DYNC2H1: variants seen among roughly 807,000 people sequenced by gnomAD.
DYNC2H1 encodes the protein dynein cytoplasmic 2 heavy chain 1.
DYNC2H1 carries 410 observed loss-of-function variants against 570.0 expected under a neutral mutation model. That is an observed-to-expected ratio of 0.72 (90% CI 0.66 to 0.78). The LOEUF (loss-of-function observed/expected upper bound fraction) is 0.78. Among genes scored for constraint, DYNC2H1 ranks in the 30% least tolerant of loss-of-function variants. The pLI is 0.00. For missense variants in DYNC2H1, 4,865 were observed against 5,046.4 expected, an observed-to-expected ratio of 0.96 and a Z score of 1.09; for synonymous variants, 1,688 against 1,677.6, an observed-to-expected ratio of 1.01 and a Z score of -0.15.
At chr11:103,407,229 C>A (rs1391534123) in intron 84 of DYNC2H1, 1 of 151,562 alleles carries the variant, frequency 6.6e-6, no homozygotes, top group East Asian at 1.9e-4. Context: ...ATAAGTTGGG[C>A]TGGTGGATTA....
intron 84 of DYNC2H1, among the ~76,000 whole-genome samples, chr11:103,414,496 G>A (rs554528087): frequency 2.6e-5 from 4 of 152,132 alleles, no homozygotes; most frequent in Non-Finnish European, 5.9e-5. Context: ...GCACGTGCCT[G>A]TAATCCCAGC....
intron 75 of DYNC2H1, among the ~76,000 whole-genome samples, chr11:103,290,754 A>G (rs1005264124): frequency 1.3e-4 from 20 of 151,554 alleles, no homozygotes; most frequent in African/African-American, 3.4e-4. Flanking sequence ...TTGCTTTTAG[A>G]CTCTCATTTT....
At position 103,189,642 on chromosome 11, in the gene DYNC2H1, A is replaced by C. The variant is rs762124447; in HGVS notation, c.7293-30A>C. The stretch of plus-strand genomic sequence containing the variant: ...TTAATTTGGAATACTGATTTATTTC[A>C]GCTTTCTTCTTATATGCCATTTTTT... On this transcript the variant is annotated intron_variant, in intron 44 of 88. Coordinates refer to ENST00000375735, the MANE Select transcript of DYNC2H1 (RefSeq NM_001377.3). The surrounding 1 kb of genome is among the most constrained non-coding windows in gnomAD (Gnocchi z 4.3). 1 of 1,603,130 alleles carries C rather than the reference A, an allele frequency of 6.2e-7. No individual in the cohort carries two copies. The highest frequency in any genetic ancestry group is 8.5e-7 in the Non-Finnish European group (1 of 1,173,952).
At chr11:103,198,159 T>C in intron 48 of DYNC2H1, 96 bp downstream of exon 48, 2 of 1,351,474 alleles carry the variant, frequency 1.5e-6, no homozygotes, top group Non-Finnish European at 2.0e-6. Context: ...ATATGATAGA[T>C]TGTAGAATAG....
Position 103,133,710 on chromosome 11 carries a change from A to G in DYNC2H1, c.2106+3A>G, listed in dbSNP as rs771774139. ...GGCACACTACATTTTGTGAAAAGGTATATTTTGTTTATAAAATTGAATAAG... is the reference window on the plus strand; with the variant it reads ...GGCACACTACATTTTGTGAAAAGGTGTATTTTGTTTATAAAATTGAATAAG... On this transcript the variant is annotated splice_donor_region_variant and intron_variant, in intron 14 of 88. Coordinates refer to ENST00000375735, the MANE Select transcript of DYNC2H1 (RefSeq NM_001377.3). The surrounding 1 kb of genome is among the most constrained non-coding windows in gnomAD (Gnocchi z 4.8). 1.3e-6 allele frequency: 2 copies of G among 1,584,202 alleles called. No homozygotes were observed. The highest frequency in any genetic ancestry group is 2.3e-5 in the South Asian group (2 of 85,750).
intron 10 of DYNC2H1, 82 bp from the exon 11 acceptor site, chr11:103,122,743 G>C (rs951000212): frequency 6.8e-6 from 8 of 1,175,208 alleles, no homozygotes; most frequent in Non-Finnish European, 8.4e-6. Context: ...CTGAATCACA[G>C]ATCAGAGAAG....
At chr11:103,350,199 G>A (rs1468567474) in intron 82 of DYNC2H1, among the ~76,000 whole-genome samples, 1 of 151,758 alleles carries the variant, frequency 6.6e-6, no homozygotes. Context: ...TATTTTTGAG[G>A]CCCCCAAATC....
chr11:103,308,402 C>G (rs1008923604), intron 78 of DYNC2H1, among the ~76,000 whole-genome samples: 1 of 152,148 alleles, frequency 6.6e-6, no homozygotes, highest in African/African-American at 2.4e-5. Flanking sequence ...ATCCATTAAT[C>G]CATCAGTGGA....
At chr11:103,304,860 A>G in intron 77 of DYNC2H1, 140 bp downstream of exon 77, 1 of 980,926 alleles carries the variant, frequency 1.0e-6, no homozygotes, top group Non-Finnish European at 1.4e-6. Context: ...TAAATATTTC[A>G]TAAATATGTA....
At chr11:103,182,819 A>C (rs1014640944) in intron 40 of DYNC2H1, among the ~76,000 whole-genome samples, 7 of 151,954 alleles carry the variant, frequency 4.6e-5, no homozygotes, top group Non-Finnish European at 8.8e-5. Context: ...AGAGTTCAAT[A>C]CTTTAGGATT....
chr11:103,401,807 G>A (rs1311344629), intron 84 of DYNC2H1, among the ~76,000 whole-genome samples: 1 of 152,142 alleles, frequency 6.6e-6, no homozygotes, highest in Admixed American at 6.6e-5. Context: ...ATTATGAAAA[G>A]CTCTTCAAGC....
chr11:103,177,751 A>G lies in DYNC2H1; in HGVS notation c.6070A>G (p.Met2024Val), dbSNP rs1362167665. The G allele has an allele frequency of 1.2e-6, 2 of 1,613,418 alleles. No individual in the cohort carries two copies. Among genetic ancestry groups the G allele is most frequent in the South Asian group, 2.2e-5 (2 of 90,998 alleles). ...ATATCAATTATTAGGCCATATTGAC[A>G]TGGACACAAGAGAATGGTCTGATGG... Reference protein sequence around the residue: ...PRYQLLGHIDMDTREWSDGVL... With the variant: ...PRYQLLGHIDVDTREWSDGVL... Residue 2024 changes from methionine (M) to valine (V), a missense_variant, in exon 38 of 89, where the codon ATG becomes GTG. Physicochemically the swap from Met to Val is conservative, Grantham distance 21 (BLOSUM62 1). Transcript: ENST00000375735. The surrounding 1 kb of genome is among the most constrained non-coding windows in gnomAD (Gnocchi z 4.4).
intron 82 of DYNC2H1, among the ~76,000 whole-genome samples, chr11:103,327,735 T>C (rs1938570175): frequency 2.0e-5 from 3 of 152,298 alleles, no homozygotes; most frequent in African/African-American, 4.8e-5. Flanking sequence ...GCTACCTATA[T>C]ACAGAACTTA....
chr11:103,337,599 A>T (rs1939213964), intron 82 of DYNC2H1, among the ~76,000 whole-genome samples: 2 of 152,054 alleles, frequency 1.3e-5, no homozygotes. Flanking sequence ...ATGATTTCTC[A>T]CTGTGGTTTT....
intron 83 of DYNC2H1, among the ~76,000 whole-genome samples, chr11:103,389,411 G>T (rs1942036181): frequency 6.6e-6 from 1 of 152,064 alleles, no homozygotes; most frequent in African/African-American, 2.4e-5. Flanking sequence ...AGTGTTGCTA[G>T]CAGTCTATCA....
chr11:103,347,180 A>C (rs1939784407), intron 82 of DYNC2H1, among the ~76,000 whole-genome samples: 1 of 152,220 alleles, frequency 6.6e-6, no homozygotes. Context: ...ACAGTTTGCA[A>C]GATAACGAAC....
intron 20 of DYNC2H1, 101 bp downstream of exon 20, chr11:103,148,718 A>G (rs995400124): frequency 2.2e-6 from 3 of 1,358,526 alleles, no homozygotes; most frequent in African/African-American, 2.9e-5. Flanking sequence ...TATAATCTCA[A>G]CATTATAAGG....
rs5794237 is a variant in DYNC2H1 at position 103,442,969 on chromosome 11, CTT to C, written c.12456+6949_12456+6950del. 1.3e-3 allele frequency among the ~76,000 whole-genome samples: 186 copies of C among 143,006 alleles called. 2 individuals are homozygous for C. The East Asian group carries it at 0.015, about 11-fold the overall frequency. The allele number at this position is 143,006 out of a possible 152,430, so 93.8% of individuals were successfully genotyped here. A position where few individuals can be genotyped will look rare whatever the true frequency, so the allele number is the denominator to read the frequency against. ...CAATGCTTCCCTTGATTTATGAGCC[CTT>C]TTTTTTTTTTTGCCATTTAAAGGCT... On this transcript the variant is annotated intron_variant, in intron 85 of 88. Coordinates refer to ENST00000375735, the MANE Select transcript of DYNC2H1 (RefSeq NM_001377.3).
At chr11:103,457,417 T>C (rs1251555068) in intron 87 of DYNC2H1, among the ~76,000 whole-genome samples, 1 of 152,124 alleles carries the variant, frequency 6.6e-6, no homozygotes, top group Non-Finnish European at 1.5e-5. Flanking sequence ...CTAAAGACCT[T>C]CCAGTGCTGT....
Sources: allele counts gnomAD v4.1 joint callset (sites outside exome capture counted in the v4.1 genomes callset), GRCh38; gene constraint gnomAD v4.1.1; non-coding constraint Gnocchi (gnomAD v3.1); transcripts MANE v1.5; gene names NCBI Gene and HGNC (gene_info 2026-07-23, HGNC 2026-07-21).